Variants in STK3 observed in about 807,000 individuals in gnomAD.
STK3 encodes serine/threonine-protein kinase 3.
In STK3, 41 loss-of-function variants were observed where a neutral mutation model predicts 58.0. The ratio of observed to expected loss-of-function variants is 0.71; its 90% CI spans 0.55 to 0.92. The LOEUF (loss-of-function observed/expected upper bound fraction) is 0.92, where lower values mean the gene tolerates loss of function less well. Among genes scored for constraint, STK3 ranks in the 40% least tolerant of loss-of-function variants. The pLI is 0.00. For synonymous variants in STK3, 170 were observed against 191.0 expected (o/e 0.89, Z 0.91); for missense variants, 479 against 602.7 (o/e 0.79, Z 2.15).
chr8:98,492,537 G>C (rs917889095), intron 10 of STK3, among the ~76,000 whole-genome samples: 5 of 152,042 alleles, frequency 3.3e-5, no homozygotes, highest in African/African-American at 1.2e-4. Context: ...AAAGGAAATA[G>C]TTTAAAGAAA....
intron 4 of STK3, among the ~76,000 whole-genome samples, chr8:98,715,171 G>C (rs946470011): frequency 6.6e-6 from 1 of 151,996 alleles, no homozygotes; most frequent in African/African-American, 2.4e-5. Context: ...CCTAAAACCA[G>C]AAAAACCCTA....
At chr8:98,866,595 G>A (rs1488227990) in intron 3 of STK3, among the ~76,000 whole-genome samples, 3 of 152,194 alleles carry the variant, frequency 2.0e-5, no homozygotes, top group East Asian at 1.9e-4. Context: ...AATACGTACC[G>A]TGTGTCAGAT....
intron 1 of STK3, among the ~76,000 whole-genome samples, chr8:98,803,512 T>G (rs748022627): frequency 1.4e-5 from 2 of 141,838 alleles, no homozygotes; most frequent in Non-Finnish European, 3.0e-5. Flanking sequence ...GAGAATGACA[T>G]GAACCCAGGA....
chr8:98,892,212 A>G (rs1454889048), intron 1 of STK3, among the ~76,000 whole-genome samples: 1 of 152,122 alleles, frequency 6.6e-6, no homozygotes, highest in Non-Finnish European at 1.5e-5. Flanking sequence ...TCAATCAATC[A>G]TGAATTCCTC....
chr8:98,651,808 G>C (rs563732168), intron 6 of STK3: 2 of 152,076 alleles, frequency 1.3e-5, no homozygotes, highest in South Asian at 4.2e-4. Context: ...AATGAACAAA[G>C]CCTCCAAGAA....
intron 1 of STK3, among the ~76,000 whole-genome samples, chr8:98,893,472 A>AAGAG (rs1333075675): frequency 1.2e-5 from 1 of 86,178 alleles, no homozygotes; most frequent in African/African-American, 6.0e-5. Context: ...GAAAGAAAGA[A>AAGAG]AGAAAGAAAG....
At chr8:98,384,556 C>T (rs539363917) in intron 1 of STK3, among the ~76,000 whole-genome samples, 6 of 152,190 alleles carry the variant, frequency 3.9e-5, no homozygotes, top group Non-Finnish European at 8.8e-5. Flanking sequence ...TCTTTTTCTT[C>T]CTACCTCCTA....
intron 4 of STK3, among the ~76,000 whole-genome samples, chr8:98,722,110 C>T (rs1401110839): frequency 1.3e-5 from 2 of 151,990 alleles, no homozygotes; most frequent in African/African-American, 4.8e-5. Context: ...AAAAAAGTAG[C>T]TCACTATCCA....
At chr8:98,737,874 AT>A (rs1219290083) in intron 4 of STK3, among the ~76,000 whole-genome samples, 52 of 152,028 alleles carry the variant, frequency 3.4e-4, no homozygotes, top group Middle Eastern at 3.4e-3. Flanking sequence ...CACCCAGCTA[AT>A]TTTTTTGTAT....
chr8:98,586,641 T>C (rs955719181), intron 7 of STK3, among the ~76,000 whole-genome samples: 20 of 151,690 alleles, frequency 1.3e-4, no homozygotes, highest in African/African-American at 4.6e-4. Flanking sequence ...TCCCTCTTTT[T>C]CTATTGATTG....
Position 98,526,910 on chromosome 8 carries a change from T to C in STK3, c.1149A>G (p.Ala383=). The change falls in exon 10 of 11, where the codon GCA becomes GCG. Residue 383 remains alanine (A), a synonymous_variant. Transcript: ENST00000419617. ...EEEDGTMKRN[A]TSPQVQRPSF... ...ATGGTCTTTGTACTTGTGGTGAGGT[T>C]GCATTTCCTTAGGTAAACAAAGAAC... is the stretch of plus-strand genomic sequence containing the variant. 6.4e-7 allele frequency: 1 copy of C among 1,551,196 alleles called. No individual in the cohort carries two copies. Among genetic ancestry groups the C allele is most frequent in the South Asian group, 1.3e-5 (1 of 79,404 alleles).
At chr8:98,938,055 C>G (rs951285571) in intron 1 of STK3, among the ~76,000 whole-genome samples, 3 of 152,054 alleles carry the variant, frequency 2.0e-5, no homozygotes, top group Admixed American at 1.3e-4. Context: ...ATGATGAATA[C>G]TTTTGTACAA....
intron 6 of STK3, among the ~76,000 whole-genome samples, chr8:98,647,087 T>C (rs891818726): frequency 3.3e-5 from 5 of 152,186 alleles, no homozygotes; most frequent in African/African-American, 1.2e-4. Context: ...TCTGACATTA[T>C]CTCCTACTTC....
At chr8:98,398,744 G>A (rs573722432), downstream of STK3, among the ~76,000 whole-genome samples, 1 of 152,274 alleles carries the variant, frequency 6.6e-6, no homozygotes, top group South Asian at 2.1e-4. Flanking sequence ...CCAGCCTCGG[G>A]CAAATTTTCC....
At chr8:98,885,041 T>C (rs939041921) in intron 1 of STK3, among the ~76,000 whole-genome samples, 1 of 152,200 alleles carries the variant, frequency 6.6e-6, no homozygotes, top group African/African-American at 2.4e-5. Context: ...CTCAAACAAA[T>C]GAACTACCCT....
chr8:98,858,311 T>G (rs1195532384), intron 3 of STK3, among the ~76,000 whole-genome samples: 116 of 70,022 alleles, frequency 1.7e-3, no homozygotes, highest in South Asian at 2.5e-3. Context: ...TATATATATA[T>G]ATATATATAT....
upstream of STK3, among the ~76,000 whole-genome samples, chr8:98,828,215 A>G (rs1835384307): frequency 6.6e-6 from 1 of 151,880 alleles, no homozygotes; most frequent in East Asian, 1.9e-4. Flanking sequence ...ACCTCGGGCA[A>G]TCCACCCACC....
At chr8:98,584,731 C>A (rs1029791740) in intron 7 of STK3, among the ~76,000 whole-genome samples, 2 of 149,562 alleles carry the variant, frequency 1.3e-5, no homozygotes, top group African/African-American at 2.5e-5. Context: ...TAAAAGTGTT[C>A]CTATTTCTCC....
chr8:98,425,716 C>T (rs1361254612), intron 3 of STK3, among the ~76,000 whole-genome samples: 1 of 152,162 alleles, frequency 6.6e-6, no homozygotes, highest in Non-Finnish European at 1.5e-5. Flanking sequence ...TCTACAGGTC[C>T]TCCAAGGAGG....
Sources: gnomAD v4.1 joint callset for allele counts (sites outside exome capture counted in the v4.1 genomes callset) on GRCh38, gnomAD v4.1.1 for gene constraint, MANE v1.5 for transcripts, NCBI Gene and HGNC (gene_info 2026-07-23, HGNC 2026-07-21) for gene names.